The following EYS variants were observed in gnomAD, a reference collection of about 807,000 sequenced individuals.
The protein encoded by EYS is EGF-like photoreceptor maintenance factor.
In EYS, 250 loss-of-function variants were observed where a neutral mutation model predicts 282.1. That is an observed-to-expected ratio of 0.89 (90% CI 0.80 to 0.98). The LOEUF (loss-of-function observed/expected upper bound fraction) is 0.98. Among genes scored for constraint, EYS ranks in the 50% least tolerant of loss-of-function variants. The pLI, the probability that EYS is intolerant of heterozygous loss-of-function variation, is 0.00. For missense variants in EYS, 4,016 were observed against 3,709.0 expected, an observed-to-expected ratio of 1.08 and a Z score of -2.15; for synonymous variants, 1,355 against 1,282.9, an observed-to-expected ratio of 1.06 and a Z score of -1.20.
At chr6:65,147,266 T>C (rs1253972136) in intron 12 of EYS, among the ~76,000 whole-genome samples, 1 of 152,046 alleles carries the variant, frequency 6.6e-6, no homozygotes, top group Non-Finnish European at 1.5e-5. Flanking sequence ...GTTCTCCATT[T>C]GAGGGATACA....
chr6:64,873,143 A>T (rs1162876692), intron 19 of EYS, among the ~76,000 whole-genome samples: 1 of 152,118 alleles, frequency 6.6e-6, no homozygotes, highest in Non-Finnish European at 1.5e-5. Context: ...TTACTGTTCC[A>T]CATGGCTGGG....
At chr6:64,383,947 G>A (rs1160894765) in intron 29 of EYS, among the ~76,000 whole-genome samples, 1 of 152,090 alleles carries the variant, frequency 6.6e-6, no homozygotes, top group Non-Finnish European at 1.5e-5. Flanking sequence ...TACATATAAT[G>A]TCTCTAACTT....
At chr6:65,183,158 T>G (rs987259908) in intron 12 of EYS, among the ~76,000 whole-genome samples, 1 of 151,992 alleles carries the variant, frequency 6.6e-6, no homozygotes, top group African/African-American at 2.4e-5. Flanking sequence ...AATTTTTAAA[T>G]GTTGAGAAAT....
At chr6:64,988,013 C>T (rs1295959884) in intron 14 of EYS, among the ~76,000 whole-genome samples, 1 of 150,980 alleles carries the variant, frequency 6.6e-6, no homozygotes, top group African/African-American at 2.4e-5. Context: ...CACACCAATC[C>T]CATTGGTCTC....
intron 31 of EYS, among the ~76,000 whole-genome samples, chr6:64,182,437 GGT>G (rs1314584036): frequency 2.0e-5 from 3 of 152,092 alleles, no homozygotes; most frequent in African/African-American, 7.2e-5. Flanking sequence ...CATGGGGAGA[GGT>G]GTTAGAGTCC....
At chr6:64,204,774 T>C (rs1765567465) in intron 31 of EYS, among the ~76,000 whole-genome samples, 1 of 152,174 alleles carries the variant, frequency 6.6e-6, no homozygotes, top group Non-Finnish European at 1.5e-5. Context: ...TTGTATTAAG[T>C]TCATGCATTT....
At chr6:65,501,631 T>C (rs1766453789) in intron 2 of EYS, among the ~76,000 whole-genome samples, 1 of 151,826 alleles carries the variant, frequency 6.6e-6, no homozygotes, top group Non-Finnish European at 1.5e-5. Context: ...CCATTCAAGA[T>C]ATCATTTCAA....
chr6:64,610,236 A>G (rs2149843991), intron 24 of EYS, among the ~76,000 whole-genome samples: 1 of 152,182 alleles, frequency 6.6e-6, no homozygotes, highest in South Asian at 2.1e-4. Flanking sequence ...GACATTAAAT[A>G]TATTCTAGGT....
At chr6:65,345,091 G>A (rs1010501070) in intron 9 of EYS, among the ~76,000 whole-genome samples, 5 of 151,536 alleles carry the variant, frequency 3.3e-5, no homozygotes, top group African/African-American at 1.2e-4. Flanking sequence ...TTCATAAACT[G>A]ACATCTCCCT....
At chr6:64,706,796 A>G (rs1178729973) in intron 22 of EYS, among the ~76,000 whole-genome samples, 1 of 151,358 alleles carries the variant, frequency 6.6e-6, no homozygotes, top group African/African-American at 2.4e-5. Context: ...TGGCCAAAAT[A>G]AAAAAAATCA....
chr6:64,284,862 G>A (rs1768440174), intron 30 of EYS, among the ~76,000 whole-genome samples: 1 of 152,120 alleles, frequency 6.6e-6, no homozygotes, highest in Non-Finnish European at 1.5e-5. Flanking sequence ...GGGATGCAGG[G>A]CAACAAGTCC....
At chr6:64,151,311 G>GTATATTTATATATATATATATATATA (rs1334263272) in intron 31 of EYS, among the ~76,000 whole-genome samples, 19 of 87,154 alleles carry the variant, frequency 2.2e-4, no homozygotes, top group African/African-American at 8.5e-4. Flanking sequence ...GTGTGTGTGT[G>GTATATTTATATATATATATATATATA]TATATTTATA....
intron 35 of EYS, among the ~76,000 whole-genome samples, chr6:63,902,039 CCCA>C (rs1033034704): frequency 6.6e-6 from 1 of 152,002 alleles, no homozygotes; most frequent in Non-Finnish European, 1.5e-5. Flanking sequence ...ATTACAGGTA[CCCA>C]CCACCACACT....
chr6:65,385,965 G>T (rs1405202790), intron 7 of EYS, among the ~76,000 whole-genome samples: 2 of 151,848 alleles, frequency 1.3e-5, no homozygotes, highest in Admixed American at 6.6e-5. Context: ...TTTTCCTTTT[G>T]AGTTGGAATG....
intron 22 of EYS, among the ~76,000 whole-genome samples, chr6:64,798,607 G>GTTTTTTTTTTTTTTTTTTTTTTGT (rs57597318): frequency 9.4e-6 from 1 of 106,810 alleles, no homozygotes; most frequent in Non-Finnish European, 1.9e-5. Flanking sequence ...TTTGTTTCTG[G>GTTTTTTTTTTTTTTTTTTTTTTGT]TTTTTTTTTT....
At chr6:65,058,529 T>A (rs2150158079) in intron 12 of EYS, among the ~76,000 whole-genome samples, 2 of 141,966 alleles carry the variant, frequency 1.4e-5, no homozygotes, top group Middle Eastern at 7.3e-3. Context: ...TGCATTTCAA[T>A]CTACTCATGA....
intron 13 of EYS, among the ~76,000 whole-genome samples, chr6:65,018,383 C>A (rs1223123452): frequency 6.6e-6 from 1 of 152,142 alleles, no homozygotes; most frequent in African/African-American, 2.4e-5. Flanking sequence ...ATGCATCACC[C>A]TGATCTCTAC....
chr6:64,709,127 A>AC (rs1237908938), intron 22 of EYS, among the ~76,000 whole-genome samples: 2 of 152,216 alleles, frequency 1.3e-5, no homozygotes, highest in Admixed American at 6.5e-5. Flanking sequence ...AAAAATGATG[A>AC]CCAAATGGGT....
chr6:65,193,144 T>C lies in EYS; in HGVS notation c.2023+102719A>G, dbSNP rs550052721. Among the ~76,000 whole-genome samples, 3 of 152,010 alleles carry C rather than the reference T, an allele frequency of 2.0e-5. No homozygotes were observed. In the South Asian group the frequency reaches 6.2e-4, roughly 31 times the overall value. Reference sequence around the variant, plus strand: ...GATCTCATGGGGGTAGGAAGTAGAATAAATCCTTAACAGGTTAATTTCATT... The same window carrying C: ...GATCTCATGGGGGTAGGAAGTAGAACAAATCCTTAACAGGTTAATTTCATT... On this transcript the variant is annotated intron_variant, in intron 12 of 42. Coordinates refer to ENST00000503581, the MANE Select transcript of EYS (RefSeq NM_001142800.2).
Sources: gnomAD v4.1 joint callset for allele counts (sites outside exome capture counted in the v4.1 genomes callset) on GRCh38, gnomAD v4.1.1 for gene constraint, MANE v1.5 for transcripts, NCBI Gene and HGNC (gene_info 2026-07-23, HGNC 2026-07-21) for gene names.